Variants in SMC1B observed in about 807,000 individuals in gnomAD.
SMC1B encodes structural maintenance of chromosomes 1B.
In SMC1B, 60 loss-of-function variants were observed where a neutral mutation model predicts 157.9. The ratio of observed to expected loss-of-function variants is 0.38; its 90% CI spans 0.31 to 0.47. The LOEUF is 0.47. Ranked by LOEUF, SMC1B falls within the 20% of genes least tolerant of loss-of-function variation. SMC1B has a pLI of 0.99. For synonymous variants in SMC1B, 445 were observed against 483.0 expected (o/e 0.92, Z 1.03); for missense variants, 1,165 against 1,426.2 (o/e 0.82, Z 2.95).
intron 12 of SMC1B, among the ~76,000 whole-genome samples, chr22:45,375,908 A>G (rs1331182685): frequency 6.6e-6 from 1 of 152,140 alleles, no homozygotes; most frequent in Non-Finnish European, 1.5e-5. Flanking sequence ...TATATATTTT[A>G]TATTAAAGTT....
intron 9 of SMC1B, among the ~76,000 whole-genome samples, chr22:45,390,561 TG>T (rs1479044239): frequency 6.6e-6 from 1 of 152,076 alleles, no homozygotes; most frequent in Admixed American, 6.6e-5. Flanking sequence ...CAAAAATTAC[TG>T]GGCGTGGTGG....
intron 12 of SMC1B, among the ~76,000 whole-genome samples, chr22:45,382,925 G>C (rs933862111): frequency 1.3e-5 from 2 of 152,116 alleles, no homozygotes; most frequent in Non-Finnish European, 2.9e-5. Flanking sequence ...ACTGAGGTCA[G>C]GAGTTCAAGA....
chr22:45,365,133 G>A (rs377442599), intron 15 of SMC1B, among the ~76,000 whole-genome samples: 2 of 151,874 alleles, frequency 1.3e-5, no homozygotes, highest in East Asian at 1.9e-4. Flanking sequence ...CACCGCACCC[G>A]GCCGGATCTC....
intron 21 of SMC1B, among the ~76,000 whole-genome samples, chr22:45,353,237 G>A (rs1452577709): frequency 1.4e-5 from 2 of 143,768 alleles, no homozygotes; most frequent in Admixed American, 7.3e-5. Flanking sequence ...ATTCCAGCCT[G>A]GGCAACAGAG....
intron 9 of SMC1B, among the ~76,000 whole-genome samples, chr22:45,391,064 C>CTT (rs136600): frequency 1.4e-5 from 2 of 142,716 alleles, no homozygotes; most frequent in African/African-American, 2.6e-5. Context: ...TATTTGCTAC[C>CTT]TTTTTTTTTT....
chr22:45,394,041 G>A (rs775300734), intron 8 of SMC1B, among the ~76,000 whole-genome samples, 200 bp from the exon 9 acceptor site: 26 of 152,240 alleles, frequency 1.7e-4, no homozygotes, highest in Admixed American at 4.6e-4. Context: ...GAAAAATGTG[G>A]CTGGGCCAGG....
rs546885571 is a variant in SMC1B, at chr22:45,401,919, T to G, written c.854+414A>C. On this transcript the variant is annotated intron_variant, in intron 5 of 24. Transcript: ENST00000357450. ...TTTTTTTTGAGATGGAGTCTCACGC[T>G]GTTGCCCAGGCTGGAGTGTAGTGGC... is the stretch of plus-strand genomic sequence containing the variant. Among the ~76,000 whole-genome samples the G allele has an allele frequency of 4.6e-5, 7 of 152,104 alleles. No individual in the cohort carries two copies. In the South Asian group the frequency reaches 6.2e-4, roughly 14 times the overall value.
At chr22:45,399,879 C>T (rs77243887) in intron 5 of SMC1B, among the ~76,000 whole-genome samples, 6,449 of 152,146 alleles carry the variant, frequency 0.042, 232 homozygotes, top group Non-Finnish European at 0.056. Flanking sequence ...ACAATTCTGA[C>T]GCTATTACAC....
chr22:45,379,594 G>A lies in SMC1B; in HGVS notation c.2058+3873C>T, dbSNP rs568987099. The stretch of plus-strand genomic sequence containing the variant: ...CCTCTCCTCACAGATGAGACTTTTG[G>A]AACACATTGACCTTTCTCTCCACTT... On this transcript the variant is annotated intron_variant, in intron 12 of 24. Coordinates refer to ENST00000357450, the MANE Select transcript of SMC1B (RefSeq NM_148674.5). Among the ~76,000 whole-genome samples, 115 of 152,138 alleles carry A rather than the reference G, an allele frequency of 7.6e-4. 1 individual carries two copies. The highest frequency in any genetic ancestry group is 1.3e-3 in the Non-Finnish European group (87 of 68,006).
At position 45,353,886 on chromosome 22, in the gene SMC1B, T is replaced by G. The variant is rs560721623; in HGVS notation, c.3273+92A>C. 32 of 748,358 alleles carry G rather than the reference T, an allele frequency of 4.3e-5. No homozygotes were observed. In the African/African-American group the frequency reaches 8.3e-4, roughly 19 times the overall value. 46.4% of individuals were successfully genotyped at this position (748,358 alleles called of 1,614,324 possible). A position where few individuals can be genotyped will look rare whatever the true frequency, so the allele number is the denominator to read the frequency against. On this transcript the variant is annotated intron_variant, in intron 21 of 24. Transcript: ENST00000357450. ...GCTCAAATAATGTGGCAGTGGTTAT[T>G]TCCCACCAAAAAAAAAAAAAAAAAA... is the stretch of plus-strand genomic sequence containing the variant.
intron 12 of SMC1B, among the ~76,000 whole-genome samples, chr22:45,379,769 G>A (rs922227256): frequency 7.8e-6 from 1 of 128,052 alleles, no homozygotes; most frequent in Non-Finnish European, 1.6e-5. Context: ...GCTCTGGAGT[G>A]AATTCTTGGC....
chr22:45,369,297 C>T (rs1002225210), intron 15 of SMC1B, among the ~76,000 whole-genome samples: 2 of 151,860 alleles, frequency 1.3e-5, no homozygotes, highest in Non-Finnish European at 1.5e-5. Context: ...GGGGTTTCAC[C>T]GTGGTAGCCA....
intron 10 of SMC1B, among the ~76,000 whole-genome samples, chr22:45,388,966 G>A (rs2087022917): frequency 1.0e-5 from 1 of 95,980 alleles, no homozygotes; most frequent in African/African-American, 4.6e-5. Flanking sequence ...CAGACTGGGC[G>A]AAAGAGCAAG....
intron 9 of SMC1B, among the ~76,000 whole-genome samples, chr22:45,391,670 C>T (rs2087060390): frequency 6.6e-6 from 1 of 152,168 alleles, no homozygotes; most frequent in East Asian, 1.9e-4. Flanking sequence ...TAAGTATTTC[C>T]TATTCTGTTT....
intron 9 of SMC1B, 82 bp from the exon 10 acceptor site, chr22:45,389,979 T>A: frequency 8.4e-7 from 1 of 1,190,710 alleles, no homozygotes; most frequent in Non-Finnish European, 1.2e-6. Flanking sequence ...TGTAACAAAG[T>A]AGCGCAGACA....
intron 21 of SMC1B, 52 bp downstream of exon 21, chr22:45,353,926 A>AC: frequency 1.3e-6 from 1 of 799,718 alleles, no homozygotes; most frequent in Non-Finnish European, 1.9e-6. Context: ...AAAAACAACC[A>AC]CCACCGGTAA....
chr22:45,356,338 G>A (rs1404209443), intron 19 of SMC1B, among the ~76,000 whole-genome samples: 1 of 152,214 alleles, frequency 6.6e-6, no homozygotes, highest in Admixed American at 6.5e-5. Flanking sequence ...TCAGGCAACT[G>A]TGATGAGGGG....
In SMC1B at chr22:45,354,886, G is replaced by A; in HGVS notation, c.3118+73C>T. ...TAACAAAAAGGGACAACAGAGGGGA[G>A]ATTGTTGGCAAATGTTATAGCAATC... On this transcript the variant is annotated intron_variant, in intron 20 of 24. Coordinates refer to ENST00000357450, the MANE Select transcript of SMC1B (RefSeq NM_148674.5). The A allele has an allele frequency of 4.2e-6, 6 of 1,423,688 alleles. No homozygotes were observed. The South Asian group carries it at 7.1e-5, about 17-fold the overall frequency. 88.2% of individuals were successfully genotyped at this position (1,423,688 alleles called of 1,614,324 possible).
intron 14 of SMC1B, 94 bp from the exon 15 acceptor site, chr22:45,370,154 A>T: frequency 1.4e-6 from 1 of 694,190 alleles, no homozygotes. Flanking sequence ...TTCCTGAATT[A>T]GGCCAAAAAC....
Sources: allele counts gnomAD v4.1 joint callset (sites outside exome capture counted in the v4.1 genomes callset), GRCh38; gene constraint gnomAD v4.1.1; transcripts MANE v1.5; gene names NCBI Gene and HGNC (gene_info 2026-07-23, HGNC 2026-07-21).